Variants in ZFHX4 observed in about 807,000 individuals in gnomAD.
The protein encoded by ZFHX4 is zinc finger homeobox 4, also known as zinc finger homeobox protein 4.
A neutral mutation model predicts 267.6 loss-of-function variants in ZFHX4; 56 were observed. The observed-to-expected ratio is 0.21, with a 90% CI of 0.17 to 0.26. ZFHX4 has a LOEUF of 0.26. Ranked by LOEUF, ZFHX4 falls within the 10% of genes least tolerant of loss-of-function variation. The pLI, the probability that ZFHX4 is intolerant of heterozygous loss-of-function variation, is 1.00. For missense variants in ZFHX4, 4,332 were observed against 4,420.0 expected (o/e 0.98, Z 0.56); for synonymous variants, 1,778 against 1,665.6 (o/e 1.07, Z -1.64).
In ZFHX4 at chr8:76,863,525, GCTT is replaced by G. The variant is rs1283551593; in HGVS notation, c.9815_9817del (p.Ser3272del). The G allele has an allele frequency of 1.2e-6, 2 of 1,613,390 alleles. No homozygotes were observed. Among genetic ancestry groups the G allele is most frequent in the African/African-American group, 2.7e-5 (2 of 74,896 alleles). On this transcript the variant is annotated inframe_deletion, in exon 11 of 11. Coordinates refer to ENST00000651372, the MANE Select transcript of ZFHX4 (RefSeq NM_024721.5). Reference sequence around the variant, plus strand: ...CTTGCCATACTTTATCCCTGGGTTTGCTTCTTATTTTACACCTCAGCTCCCTGG... The same window carrying G: ...CTTGCCATACTTTATCCCTGGGTTTGCTTATTTTACACCTCAGCTCCCTGG...
chr8:76,705,028 A>G lies in ZFHX4; in HGVS notation c.940A>G (p.Ser314Gly). The change falls in exon 2 of 11, where the codon AGT (serine) becomes GGT (glycine). Residue 314 changes from serine (S) to glycine (G), a missense_variant. Ser to Gly is a moderately conservative substitution (Grantham distance 56, BLOSUM62 0). This residue lies in a region of ZFHX4 where 1,195 missense variants were observed against 1,173.6 expected (regional missense o/e 1.02). Coordinates refer to ENST00000651372, the MANE Select transcript of ZFHX4 (RefSeq NM_024721.5). ...CAATGACGAGGAGCAGAAGCTCCTC[A>G]GTAATAAATGCGTCTCCGCCATAAT... ...TLNDEEQKLL[S>G]NKCVSAIIQG... 1.2e-6 allele frequency: 2 copies of G among 1,613,996 alleles called. No homozygotes were observed. Among genetic ancestry groups the G allele is most frequent in the Non-Finnish European group, 1.7e-6 (2 of 1,179,880 alleles).
chr8:76,852,632 C>T lies in ZFHX4; in HGVS notation c.5711C>T (p.Ala1904Val). ...CCACCACCCCGAATAGCTTCAGGGG[C>T]CAGAGGAAATGCTGCCAAAGCGTTA... ...SIPPPRIASG[A>V]RGNAAKALLE... is the part of the protein sequence containing the mutation. The change falls in exon 10 of 11, where the codon GCC (alanine) becomes GTC (valine). Residue 1904 changes from alanine (A) to valine (V), a missense_variant. Physicochemically the swap from Ala to Val is moderately conservative, Grantham distance 64. This residue lies in a region of ZFHX4 where 1,371 missense variants were observed against 1,423.1 expected (regional missense o/e 0.96). Coordinates refer to ENST00000651372, the MANE Select transcript of ZFHX4 (RefSeq NM_024721.5). 6.2e-7 allele frequency: 1 copy of T among 1,613,072 alleles called. No homozygotes were observed.
chr8:76,769,395 G>A (rs1810199195), intron 3 of ZFHX4, among the ~76,000 whole-genome samples: 1 of 151,264 alleles, frequency 6.6e-6, no homozygotes, highest in Admixed American at 6.6e-5. Flanking sequence ...TGTTGCCCAG[G>A]CTGGAGTGCA....
chr8:76,687,822 T>G (rs2131578738), intron 1 of ZFHX4, among the ~76,000 whole-genome samples: 1 of 152,268 alleles, frequency 6.6e-6, no homozygotes, highest in South Asian at 2.1e-4. Context: ...TATACAAGTG[T>G]GAAAGCATCG....
chr8:76,729,734 C>G (rs1808948434), intron 3 of ZFHX4, among the ~76,000 whole-genome samples: 1 of 152,036 alleles, frequency 6.6e-6, no homozygotes, highest in African/African-American at 2.4e-5. Context: ...ATGAACAAAA[C>G]AGAAATATTA....
intron 4 of ZFHX4, among the ~76,000 whole-genome samples, chr8:76,801,458 A>G (rs1811114494): frequency 6.6e-6 from 1 of 152,162 alleles, no homozygotes; most frequent in Non-Finnish European, 1.5e-5. Context: ...TGTGGGCTAT[A>G]AGTCGTCCAC....
intron 5 of ZFHX4, among the ~76,000 whole-genome samples, chr8:76,840,146 A>G (rs1452960040): frequency 6.6e-6 from 1 of 152,212 alleles, no homozygotes; most frequent in African/African-American, 2.4e-5. Context: ...GAATTGCTTG[A>G]GCATTAGAGC....
intron 4 of ZFHX4, among the ~76,000 whole-genome samples, chr8:76,795,563 T>TTTTA (rs1810958097): frequency 6.7e-6 from 1 of 148,544 alleles, no homozygotes; most frequent in African/African-American, 2.5e-5. Context: ...TTTTTTTTTT[T>TTTTA]GAGACGGAGT....
chr8:76,714,366 C>A (rs1808509575), intron 3 of ZFHX4, among the ~76,000 whole-genome samples: 1 of 152,166 alleles, frequency 6.6e-6, no homozygotes, highest in African/African-American at 2.4e-5. Context: ...TGTATAATGA[C>A]CGTGGTTCTG....
Position 76,856,051 on chromosome 8 carries a change from G to C in ZFHX4, c.9130G>C (p.Asp3044His), listed in dbSNP as rs766334021. 1 of 1,613,964 alleles carries C rather than the reference G, an allele frequency of 6.2e-7. No homozygotes were observed. Among genetic ancestry groups the C allele is most frequent in the Non-Finnish European group, 8.5e-7 (1 of 1,179,870 alleles). Residue 3044 changes from aspartate to histidine, a missense_variant, in exon 10 of 11, where the codon GAT (aspartate) becomes CAT (histidine). Around this residue, in one of 7 missense-constraint regions of ZFHX4, gnomAD observed 1,648 missense variants for 1,625.0 expected, o/e 1.01. Transcript: ENST00000651372. Reference sequence around the variant, plus strand: ...GAGGGAGACCGTTGGCAGTCAGCTCGATCGGGAGAAAGATTACTTGGCTCC... The same window carrying C: ...GAGGGAGACCGTTGGCAGTCAGCTCCATCGGGAGAAAGATTACTTGGCTCC... Reference protein sequence around the residue: ...KVRETVGSQLDREKDYLAPTT... With the variant: ...KVRETVGSQLHREKDYLAPTT...
intron 7 of ZFHX4, 38 bp downstream of exon 7, chr8:76,849,166 A>G (rs1219250259): frequency 6.6e-7 from 1 of 1,516,790 alleles, no homozygotes; most frequent in Non-Finnish European, 8.8e-7. Flanking sequence ...GTAAATCTTT[A>G]TTTTTTATTG....
intron 4 of ZFHX4, among the ~76,000 whole-genome samples, chr8:76,781,384 T>C (rs926099824): frequency 2.6e-5 from 4 of 152,042 alleles, no homozygotes; most frequent in East Asian, 1.9e-4. Flanking sequence ...TTCCAATACA[T>C]GAGTAATTAA....
intron 1 of ZFHX4, among the ~76,000 whole-genome samples, chr8:76,694,693 C>T (rs1807910384): frequency 8.4e-6 from 1 of 118,472 alleles, no homozygotes; most frequent in East Asian, 3.2e-4. Context: ...CCTGCTCCCG[C>T]CCCCGCCTCT....
chr8:76,705,108 A>G lies in ZFHX4; in HGVS notation c.1020A>G (p.Lys340=). Residue 340 remains lysine, a synonymous_variant, in exon 2 of 11, where the codon AAA becomes AAG. Transcript: ENST00000651372. The part of the protein sequence containing the change: ...EPLISFLEPK[K]STSVYPHFST... Reference sequence around the variant, plus strand: ...TTATAAGCTTTCTGGAACCAAAAAAATCCACTTCTGTTTATCCCCATTTTT... The same window carrying G: ...TTATAAGCTTTCTGGAACCAAAAAAGTCCACTTCTGTTTATCCCCATTTTT... 3 of 1,613,708 alleles carry G rather than the reference A, an allele frequency of 1.9e-6. No individual in the cohort carries two copies. Among genetic ancestry groups the G allele is most frequent in the Non-Finnish European group, 2.5e-6 (3 of 1,179,832 alleles).
intron 3 of ZFHX4, among the ~76,000 whole-genome samples, chr8:76,772,982 A>G (rs905763426): frequency 1.3e-5 from 2 of 152,120 alleles, no homozygotes; most frequent in Admixed American, 1.3e-4. Context: ...ACTACAGGAA[A>G]AACCTCGTTG....
intron 4 of ZFHX4, among the ~76,000 whole-genome samples, chr8:76,815,780 C>T (rs1054478631): frequency 6.6e-6 from 1 of 152,140 alleles, no homozygotes; most frequent in Non-Finnish European, 1.5e-5. Context: ...AGATCGTAGG[C>T]TTGAACCACT....
intron 4 of ZFHX4, among the ~76,000 whole-genome samples, chr8:76,832,132 T>C (rs1811951115): frequency 6.6e-6 from 1 of 152,202 alleles, no homozygotes. Flanking sequence ...TATGCACTTC[T>C]ATTTTCCAGG....
At chr8:76,794,873 T>TGTG (rs1554565461) in intron 4 of ZFHX4, among the ~76,000 whole-genome samples, 149 of 143,164 alleles carry the variant, frequency 1.0e-3, no homozygotes, top group African/African-American at 3.6e-3. Flanking sequence ...TGGCCTGTCA[T>TGTG]TGTGTGTGTG....
intron 4 of ZFHX4, among the ~76,000 whole-genome samples, chr8:76,803,302 G>A (rs1184252006): frequency 6.6e-6 from 1 of 151,908 alleles, no homozygotes; most frequent in Non-Finnish European, 1.5e-5. Flanking sequence ...CGAAAGAAGA[G>A]GGTAAGGTGG....
Sources: allele counts gnomAD v4.1 joint callset (sites outside exome capture counted in the v4.1 genomes callset), GRCh38; gene constraint gnomAD v4.1.1; regional missense constraint gnomAD v4.1.1; transcripts MANE v1.5; gene names NCBI Gene and HGNC (gene_info 2026-07-23, HGNC 2026-07-21).